The following KHDC4 variants were observed in gnomAD, a reference collection of about 807,000 sequenced individuals.
The protein encoded by KHDC4 is KH homology domain-containing protein 4.
Under a neutral mutation model 74.5 loss-of-function variants are expected in KHDC4, and 19 were observed. The observed-to-expected ratio is 0.26, with a 90% CI of 0.18 to 0.37. KHDC4 has a LOEUF of 0.37. KHDC4 is among the 10% of genes least tolerant of loss of function. The pLI is 1.00. For missense variants in KHDC4, 632 were observed against 754.1 expected, an observed-to-expected ratio of 0.84 and a Z score of 1.90; for synonymous variants, 253 against 266.1, an observed-to-expected ratio of 0.95 and a Z score of 0.48.
In KHDC4 at chr1:155,916,620, C is replaced by T; in HGVS notation, c.1553+5G>A. On this transcript the variant is annotated splice_donor_5th_base_variant and intron_variant, in intron 12 of 13. Transcript: ENST00000368321. ...GAATACATTTGCATAATTATTCCAA[C>T]TTACCTGTCCCTCTCTCTCTCTTTG... The T allele has an allele frequency of 1.3e-6, 2 of 1,590,372 alleles. No individual in the cohort carries two copies. The highest frequency in any genetic ancestry group is 1.7e-6 in the Non-Finnish European group (2 of 1,160,682).
At position 155,915,954 on chromosome 1, in the gene KHDC4, G is replaced by T; in HGVS notation, c.1564C>A (p.Pro522Thr). ...CCAGTCACTGGAAAGGCTGGTGGAG[G>T]CATCAACTGCCTATTGAAAAACAAA... ...KERERDRQLM[P>T]PPAFPVTGIK... is the part of the protein sequence containing the mutation. The change falls in exon 13 of 14, where the codon CCT becomes ACT. Residue 522 changes from proline (P) to threonine (T), a missense_variant. Pro to Thr is a conservative substitution (Grantham distance 38). Coordinates refer to ENST00000368321, the MANE Select transcript of KHDC4 (RefSeq NM_014949.4). The T allele has an allele frequency of 6.3e-7, 1 of 1,581,380 alleles. No homozygotes were observed. Among genetic ancestry groups the T allele is most frequent in the Non-Finnish European group, 8.6e-7 (1 of 1,166,392 alleles).
At chr1:155,933,572 C>A (rs1161329081) in intron 2 of KHDC4, 61 bp downstream of exon 2, 4 of 1,390,254 alleles carry the variant, frequency 2.9e-6, no homozygotes, top group Non-Finnish European at 4.0e-6. Context: ...GCGTAAGCCA[C>A]CGCGCCCGGC....
intron 3 of KHDC4, 33 bp downstream of exon 3, chr1:155,929,679 C>T (rs752897959): frequency 3.1e-6 from 5 of 1,597,038 alleles, no homozygotes; most frequent in Non-Finnish European, 2.6e-6. Flanking sequence ...ATCCACTCAC[C>T]GCCCTCCCCA....
intron 9 of KHDC4, 107 bp from the exon 10 acceptor site, chr1:155,921,735 C>G: frequency 6.8e-7 from 1 of 1,461,970 alleles, no homozygotes; most frequent in Non-Finnish European, 9.4e-7. Context: ...GCATGAATGG[C>G]TTTCCAAATT....
chr1:155,916,828 T>G lies in KHDC4; in HGVS notation c.1441-91A>C, dbSNP rs1673742150. On this transcript the variant is annotated intron_variant, in intron 11 of 13. Transcript: ENST00000368321. ...ATGTAACTGTCAAGTGCCTCATCTT[T>G]CTGATAAGTTGTAGTACGTTAAACT... 1.2e-5 allele frequency: 10 copies of G among 825,104 alleles called. No individual in the cohort carries two copies. In the South Asian group the frequency reaches 1.6e-4, roughly 13 times the overall value. The allele number at this position is 825,104 out of a possible 1,614,324, so 51.1% of individuals were successfully genotyped here. A position where few individuals can be genotyped will look rare whatever the true frequency, so the allele number is the denominator to read the frequency against.
intron 1 of KHDC4, 51 bp downstream of exon 1, chr1:155,934,285 C>T: frequency 6.3e-7 from 1 of 1,591,106 alleles, no homozygotes; most frequent in East Asian, 2.3e-5. Flanking sequence ...GTCCCTCCGC[C>T]TCTCCTGCGC....
intron 8 of KHDC4, among the ~76,000 whole-genome samples, chr1:155,922,836 G>T (rs990486666): frequency 6.6e-6 from 1 of 152,280 alleles, no homozygotes; most frequent in South Asian, 2.1e-4. Flanking sequence ...AACCAACCAT[G>T]AGCTACCCAA....
intron 2 of KHDC4, among the ~76,000 whole-genome samples, chr1:155,931,400 G>C (rs1391224200): frequency 2.0e-5 from 3 of 151,980 alleles, no homozygotes; most frequent in Admixed American, 1.3e-4. Flanking sequence ...GGCTGAAGCA[G>C]GGTGGGCAAC....
chr1:155,916,577 TGCAAACAAATA>T (rs1382422629), intron 12 of KHDC4, 37 bp downstream of exon 12: 5 of 1,267,054 alleles, frequency 3.9e-6, no homozygotes, highest in Middle Eastern at 1.9e-4. Context: ...TCACTAATGG[TGCAAACAAATA>T]ACATCTGAAT....
chr1:155,927,004 G>C, intron 5 of KHDC4, 100 bp downstream of exon 5: 1 of 1,334,566 alleles, frequency 7.5e-7, no homozygotes. Flanking sequence ...CATGAACAAG[G>C]GTTAGAACAG....
Position 155,929,135 on chromosome 1 carries a change from G to A in KHDC4, c.464+161C>T, listed in dbSNP as rs78010962. ...GTCCAAAAACAGGTCCCAACATCTT[G>A]TATCTGTTTGATATCCAGAATTCTG... On this transcript the variant is annotated intron_variant, in intron 4 of 13. Transcript: ENST00000368321. Among the ~76,000 whole-genome samples, 370 of 152,224 alleles carry A rather than the reference G, an allele frequency of 2.4e-3. 11 individuals carry two copies. The East Asian group carries it at 0.063, about 26-fold the overall frequency.
chr1:155,927,894 G>C (rs1275284948), intron 4 of KHDC4, among the ~76,000 whole-genome samples: 2 of 126,060 alleles, frequency 1.6e-5, no homozygotes, highest in Admixed American at 1.8e-4. Flanking sequence ...GGGAAAGATT[G>C]ATCATGCATA....
intron 6 of KHDC4, 118 bp from the exon 7 acceptor site, chr1:155,925,961 T>C: frequency 1.1e-6 from 1 of 888,584 alleles, no homozygotes. Context: ...TGGGGTAGAG[T>C]GTTGGGTAGT....
At chr1:155,917,136 T>C (rs1162572387) in intron 11 of KHDC4, among the ~76,000 whole-genome samples, 1 of 152,196 alleles carries the variant, frequency 6.6e-6, no homozygotes, top group Non-Finnish European at 1.5e-5. Flanking sequence ...CTTTAGTGGC[T>C]AACTTTACAA....
chr1:155,932,745 A>G (rs1446270034), intron 2 of KHDC4: 6 of 152,080 alleles, frequency 3.9e-5, no homozygotes, highest in Non-Finnish European at 2.9e-5. Context: ...CTTGGTCAAC[A>G]TGGTGAAACC....
intron 2 of KHDC4, among the ~76,000 whole-genome samples, chr1:155,931,322 A>T: frequency 6.7e-6 from 1 of 149,452 alleles, no homozygotes; most frequent in East Asian, 2.2e-4. Context: ...AGAAAGACAG[A>T]AAGAAAGAAA....
chr1:155,925,192 A>G (rs952987023), intron 7 of KHDC4, among the ~76,000 whole-genome samples: 1 of 151,716 alleles, frequency 6.6e-6, no homozygotes, highest in African/African-American at 2.4e-5. Context: ...ACACCCGGCT[A>G]ATTTTTTTTG....
intron 10 of KHDC4, among the ~76,000 whole-genome samples, chr1:155,919,498 A>G (rs927006494): frequency 4.9e-4 from 75 of 151,892 alleles, no homozygotes; most frequent in African/African-American, 1.8e-3. Flanking sequence ...AAAATGGTGA[A>G]ACCCCATCTC....
rs538732369 is a variant in KHDC4, at chr1:155,916,534, G to C, written c.1553+91C>G. ...ATTCAAAGATTTCATTTCAGTTTCA[G>C]AATACTTAAGCTCATAGCAATGATC... On this transcript the variant is annotated intron_variant, in intron 12 of 13. Coordinates refer to ENST00000368321, the MANE Select transcript of KHDC4 (RefSeq NM_014949.4). The C allele has an allele frequency of 9.9e-5, 82 of 831,638 alleles. No individual in the cohort carries two copies. The African/African-American group carries it at 1.2e-3, about 12-fold the overall frequency. 51.5% of individuals were successfully genotyped at this position (831,638 alleles called of 1,614,324 possible).
Sources: allele counts gnomAD v4.1 joint callset (sites outside exome capture counted in the v4.1 genomes callset), GRCh38; gene constraint gnomAD v4.1.1; transcripts MANE v1.5; gene names NCBI Gene and HGNC (gene_info 2026-07-23, HGNC 2026-07-21).